The following AIM2 variants were observed in gnomAD, a reference collection of about 807,000 sequenced individuals.
AIM2 encodes the protein interferon-inducible protein AIM2.
In AIM2, 30 loss-of-function variants were observed where a neutral mutation model predicts 27.7. The ratio of observed to expected loss-of-function variants is 1.08; its 90% CI spans 0.81 to 1.47. AIM2 has a LOEUF of 1.47. Among genes scored for constraint, AIM2 ranks in the 40% most tolerant of loss-of-function variants. The pLI, the probability that AIM2 is intolerant of heterozygous loss-of-function variation, is 0.00. For missense variants in AIM2, 358 were observed against 411.3 expected, an observed-to-expected ratio of 0.87 and a Z score of 1.12; for synonymous variants, 141 against 145.3, an observed-to-expected ratio of 0.97 and a Z score of 0.21.
chr1:159,104,875 G>A (rs1190415264), intron 1 of AIM2, among the ~76,000 whole-genome samples: 5 of 152,148 alleles, frequency 3.3e-5, no homozygotes, highest in East Asian at 1.9e-4. Context: ...ACGAAAAATG[G>A]GCCAATAATA....
intron 1 of AIM2, among the ~76,000 whole-genome samples, chr1:159,087,034 T>C (rs892148648): frequency 1.3e-5 from 2 of 152,198 alleles, no homozygotes; most frequent in African/African-American, 2.4e-5. Flanking sequence ...AAGTGTACAT[T>C]TGAAACTTTG....
At chr1:159,098,301 G>A (rs1657222805) in intron 1 of AIM2, among the ~76,000 whole-genome samples, 1 of 152,136 alleles carries the variant, frequency 6.6e-6, no homozygotes, top group Non-Finnish European at 1.5e-5. Flanking sequence ...ATACAACAGA[G>A]AGCTATACAG....
chr1:159,104,627 A>G (rs1156302702), intron 1 of AIM2, among the ~76,000 whole-genome samples: 1 of 152,246 alleles, frequency 6.6e-6, no homozygotes, highest in Non-Finnish European at 1.5e-5. Flanking sequence ...TATAGTGATT[A>G]CATGTTGAAG....
At chr1:159,071,922 A>ATTATT (rs1557894409) in intron 2 of AIM2, among the ~76,000 whole-genome samples, 94 of 152,320 alleles carry the variant, frequency 6.2e-4, no homozygotes, top group African/African-American at 2.2e-3. Context: ...GATCTTTTTT[A>ATTATT]GCTAAGCAGA....
chr1:159,135,034 A>G (rs892674340), intron 1 of AIM2, among the ~76,000 whole-genome samples: 1 of 152,206 alleles, frequency 6.6e-6, no homozygotes, highest in African/African-American at 2.4e-5. Flanking sequence ...TCTCCCAGCC[A>G]CAGAACTTCT....
At chr1:159,103,072 G>A (rs897601734) in intron 1 of AIM2, among the ~76,000 whole-genome samples, 7 of 152,200 alleles carry the variant, frequency 4.6e-5, no homozygotes, top group African/African-American at 1.2e-4. Flanking sequence ...TGTCGTGGGA[G>A]GCACCCAGTG....
At chr1:159,057,811 G>C (rs959013002), downstream of AIM2, among the ~76,000 whole-genome samples, 4 of 152,154 alleles carry the variant, frequency 2.6e-5, no homozygotes, top group African/African-American at 7.2e-5. Flanking sequence ...TGATAGGACT[G>C]AGTTGTTTGC....
chr1:159,077,463 A>G (rs1656653542), upstream of AIM2, among the ~76,000 whole-genome samples: 1 of 152,246 alleles, frequency 6.6e-6, no homozygotes, highest in African/African-American at 2.4e-5. Context: ...GCTAAGGGTC[A>G]GCAGTCAGCC....
At chr1:159,085,724 C>G (rs1001325795) in intron 1 of AIM2, among the ~76,000 whole-genome samples, 1 of 152,176 alleles carries the variant, frequency 6.6e-6, no homozygotes, top group Non-Finnish European at 1.5e-5. Flanking sequence ...AGAGCTCAGA[C>G]AGCAAGTGGT....
At chr1:159,116,724 C>A (rs1022567119) in intron 1 of AIM2, among the ~76,000 whole-genome samples, 22 of 151,834 alleles carry the variant, frequency 1.4e-4, no homozygotes, top group Middle Eastern at 3.4e-3. Flanking sequence ...TGGAGATATA[C>A]CTAATGTTAA....
chr1:159,092,064 A>T (rs917312543), intron 1 of AIM2, among the ~76,000 whole-genome samples: 6 of 152,362 alleles, frequency 3.9e-5, no homozygotes, highest in Non-Finnish European at 7.4e-5. Flanking sequence ...CTTATCATGA[A>T]TTAAAAATTA....
chr1:159,094,037 G>T (rs1570960597), intron 1 of AIM2, among the ~76,000 whole-genome samples: 1 of 151,970 alleles, frequency 6.6e-6, no homozygotes, highest in African/African-American at 2.4e-5. Flanking sequence ...ACTGCACATG[G>T]CATATTTAAA....
At chr1:159,123,890 A>T (rs1307606517) in intron 1 of AIM2, among the ~76,000 whole-genome samples, 1 of 152,224 alleles carries the variant, frequency 6.6e-6, no homozygotes, top group Non-Finnish European at 1.5e-5. Flanking sequence ...TTTTTTTCTC[A>T]AATACCCATA....
chr1:159,139,517 A>AAT (rs1648071862), intron 1 of AIM2, among the ~76,000 whole-genome samples: 1 of 152,226 alleles, frequency 6.6e-6, no homozygotes, highest in Non-Finnish European at 1.5e-5. Context: ...TAGGAAAGAC[A>AAT]ATATACTCTT....
intron 1 of AIM2, among the ~76,000 whole-genome samples, chr1:159,126,412 C>G (rs1438803231): frequency 6.6e-6 from 1 of 152,046 alleles, no homozygotes; most frequent in African/African-American, 2.4e-5. Flanking sequence ...CTTTGGGAGG[C>G]TGAGGGGGGC....
intron 1 of AIM2, among the ~76,000 whole-genome samples, chr1:159,139,376 C>T (rs1011179694): frequency 6.6e-6 from 1 of 152,228 alleles, no homozygotes; most frequent in Non-Finnish European, 1.5e-5. Context: ...AGACCCTTTC[C>T]TTTCCCTATT....
At chr1:159,073,180 G>A (rs1242335961) in intron 2 of AIM2, 58 bp downstream of exon 2, 1 of 1,597,608 alleles carries the variant, frequency 6.3e-7, no homozygotes, top group Non-Finnish European at 8.6e-7. Flanking sequence ...TGCCATGAAA[G>A]GAAAGGCCCA....
chr1:159,103,316 A>T (rs1172412363), intron 1 of AIM2, among the ~76,000 whole-genome samples: 1 of 151,952 alleles, frequency 6.6e-6, no homozygotes, highest in South Asian at 2.1e-4. Context: ...AAATTACCCA[A>T]TCTTGGGTAT....
chr1:159,056,570 T>C, the AIM2 span, among the ~76,000 whole-genome samples: 2 of 151,618 alleles, frequency 1.3e-5, no homozygotes, highest in African/African-American at 4.8e-5. Context: ...GTTGCATGAC[T>C]GGAGTTTGAT....
Sources: allele counts gnomAD v4.1 joint callset (sites outside exome capture counted in the v4.1 genomes callset), GRCh38; gene constraint gnomAD v4.1.1; transcripts MANE v1.5; gene names NCBI Gene and HGNC (gene_info 2026-07-23, HGNC 2026-07-21).